The following NRXN3 variants were observed in gnomAD, a reference collection of about 807,000 sequenced individuals.
NRXN3 encodes the protein neurexin III.
A neutral mutation model predicts 137.6 loss-of-function variants in NRXN3; 32 were observed. That is an observed-to-expected ratio of 0.23 (90% CI 0.18 to 0.31). The LOEUF is 0.31. Among genes scored for constraint, NRXN3 ranks in the 10% least tolerant of loss-of-function variants. NRXN3 has a pLI of 1.00. For synonymous variants in NRXN3, 798 were observed against 784.5 expected (o/e 1.02, Z -0.29); for missense variants, 1,574 against 2,062.5 (o/e 0.76, Z 4.59).
At chr14:79,706,419 C>CTTTTTTTTTTT (rs919138966) in intron 19 of NRXN3, among the ~76,000 whole-genome samples, 3 of 116,008 alleles carry the variant, frequency 2.6e-5, no homozygotes, top group East Asian at 2.5e-4. Context: ...GGCTTTTTTA[C>CTTTTTTTTTTT]TTTTTTTTTT....
intron 15 of NRXN3, among the ~76,000 whole-genome samples, chr14:79,378,702 G>A (rs759589202): frequency 6.6e-6 from 1 of 152,074 alleles, no homozygotes; most frequent in East Asian, 1.9e-4. Context: ...CCTCACAAAG[G>A]TAATGCTAGC....
intron 4 of NRXN3, among the ~76,000 whole-genome samples, chr14:78,359,294 C>T (rs990667091): frequency 6.6e-6 from 1 of 152,114 alleles, no homozygotes; most frequent in Admixed American, 6.5e-5. Context: ...TTTAATTGGT[C>T]TCAGGTGTGG....
chr14:79,658,312 G>T (rs962192148), intron 16 of NRXN3, among the ~76,000 whole-genome samples: 1 of 152,122 alleles, frequency 6.6e-6, no homozygotes, highest in African/African-American at 2.4e-5. Flanking sequence ...GGTTTATGTT[G>T]CAGTGACAAA....
chr14:78,367,509 C>G (rs7157002), intron 4 of NRXN3, among the ~76,000 whole-genome samples: 150,681 of 152,314 alleles, frequency 0.99, 74,549 homozygotes, highest in East Asian at 1. Flanking sequence ...CAATTCACAA[C>G]CAACCAGCAT....
chr14:78,857,191 T>C (rs2099059848), intron 10 of NRXN3, among the ~76,000 whole-genome samples: 2 of 152,116 alleles, frequency 1.3e-5, no homozygotes, highest in Admixed American at 1.3e-4. Flanking sequence ...CCCAAAGGCA[T>C]AGGTTAGGCA....
chr14:78,859,014 C>A (rs1416959367), intron 10 of NRXN3, among the ~76,000 whole-genome samples: 1 of 152,112 alleles, frequency 6.6e-6, no homozygotes, highest in East Asian at 1.9e-4. Context: ...TCCCTGTTAT[C>A]CCTATGTGTC....
intron 15 of NRXN3, among the ~76,000 whole-genome samples, chr14:79,234,847 G>A (rs2073092822): frequency 6.6e-6 from 1 of 151,766 alleles, no homozygotes; most frequent in Non-Finnish European, 1.5e-5. Context: ...TTAATATCCA[G>A]CTCCTGGGAA....
chr14:79,048,697 T>C (rs984324868), intron 15 of NRXN3, among the ~76,000 whole-genome samples: 15 of 149,948 alleles, frequency 1.0e-4, no homozygotes, highest in African/African-American at 3.2e-4. Flanking sequence ...CTGATCAGGG[T>C]GGTGGCTGCT....
At chr14:78,560,791 C>T (rs1220746616) in intron 4 of NRXN3, among the ~76,000 whole-genome samples, 2 of 152,200 alleles carry the variant, frequency 1.3e-5, no homozygotes, top group South Asian at 2.1e-4. Context: ...TTCCCTACCG[C>T]TTTTGGCTTT....
chr14:79,464,730 A>T (rs2153609731), intron 15 of NRXN3, among the ~76,000 whole-genome samples: 1 of 152,318 alleles, frequency 6.6e-6, no homozygotes, highest in African/African-American at 2.4e-5. Flanking sequence ...TTGTGTAATT[A>T]CATTGGTATG....
chr14:79,831,883 T>C (rs2099324912), intron 20 of NRXN3, among the ~76,000 whole-genome samples: 1 of 152,162 alleles, frequency 6.6e-6, no homozygotes, highest in South Asian at 2.1e-4. Flanking sequence ...TTTCATGTCT[T>C]CTGTGAGCCC....
rs994714026 is a variant in NRXN3, at chr14:79,504,655, G to GTATA, written c.3444+37270_3444+37273dup. Among the ~76,000 whole-genome samples, 557 of 104,208 alleles carry GTATA rather than the reference G, an allele frequency of 5.3e-3. 21 individuals carry two copies. Among genetic ancestry groups the GTATA allele is most frequent in the African/African-American group, 0.016 (459 of 29,180 alleles). The allele number at this position is 104,208 out of a possible 152,430, so 68.4% of individuals were successfully genotyped here. On this transcript the variant is annotated intron_variant, in intron 16 of 20. Transcript: ENST00000335750. ...AATGAAGTTTTTTATATATATATATGTATATATATATATATATATAAAACA... is the reference window on the plus strand; with the variant it reads ...AATGAAGTTTTTTATATATATATATGTATATATATATATATATATATATAAAACA...
At chr14:79,450,581 A>T (rs930308150) in intron 15 of NRXN3, among the ~76,000 whole-genome samples, 4 of 94,816 alleles carry the variant, frequency 4.2e-5, no homozygotes, top group African/African-American at 1.3e-4. Flanking sequence ...AAATAAGGCC[A>T]GGGGCGGTGG....
chr14:78,751,285 G>A (rs980102941), intron 8 of NRXN3, among the ~76,000 whole-genome samples: 3 of 152,300 alleles, frequency 2.0e-5, no homozygotes, highest in South Asian at 4.1e-4. Context: ...TAGCATCCCC[G>A]ATGTTCCGAA....
chr14:79,821,761 T>C (rs1415791815), intron 20 of NRXN3, among the ~76,000 whole-genome samples: 3 of 151,082 alleles, frequency 2.0e-5, no homozygotes, highest in African/African-American at 7.3e-5. Context: ...TTAGAGTTCA[T>C]TGTAATGCTT....
chr14:79,287,179 C>G (rs1197074934), intron 15 of NRXN3, among the ~76,000 whole-genome samples: 1 of 152,080 alleles, frequency 6.6e-6, no homozygotes, highest in Non-Finnish European at 1.5e-5. Context: ...TTACATAGTA[C>G]TCTGAGTAAA....
intron 15 of NRXN3, among the ~76,000 whole-genome samples, chr14:79,262,920 A>T (rs1433369572): frequency 6.6e-6 from 1 of 152,122 alleles, no homozygotes; most frequent in African/African-American, 2.4e-5. Context: ...TGTGTATCTG[A>T]CTACTGCTGG....
chr14:78,180,981 A>G lies in NRXN3; in HGVS notation c.-704+10307A>G, dbSNP rs139076240. On this transcript the variant is annotated intron_variant, in intron 1 of 20. Transcript: ENST00000335750. ...AACTAAATTAGACTCTTTAGGGACA[A>G]GAGCCTGTCCTCGGTGTATTTTAAA... 3.3e-5 allele frequency among the ~76,000 whole-genome samples: 5 copies of G among 152,326 alleles called. No homozygotes were observed. In the East Asian group the frequency reaches 9.6e-4, roughly 29 times the overall value.
rs375609950 is a variant in NRXN3, at chr14:79,680,532, G to C, written c.3617-11641G>C. 1.2e-3 allele frequency among the ~76,000 whole-genome samples: 175 copies of C among 152,098 alleles called. 1 individual carries two copies. Among genetic ancestry groups the C allele is most frequent in the Middle Eastern group, 0.01 (3 of 294 alleles). On this transcript the variant is annotated intron_variant, in intron 17 of 20. Transcript: ENST00000335750. ...TTGTTTCTATTGTTGTGTGTTAGTA[G>C]GGAATGTGGTGGAGGAGTGCCTTTC...
Sources: gnomAD v4.1 joint callset for allele counts (sites outside exome capture counted in the v4.1 genomes callset) on GRCh38, gnomAD v4.1.1 for gene constraint, MANE v1.5 for transcripts, NCBI Gene and HGNC (gene_info 2026-07-23, HGNC 2026-07-21) for gene names.